Variants in TBC1D22A observed in about 807,000 individuals in gnomAD.
TBC1D22A encodes putative GTPase activator.
TBC1D22A carries 38 observed loss-of-function variants against 60.2 expected under a neutral mutation model. That is an observed-to-expected ratio of 0.63 (90% CI 0.49 to 0.83). TBC1D22A has a LOEUF of 0.83. Ranked by LOEUF, TBC1D22A falls within the 40% of genes least tolerant of loss-of-function variation. The pLI, the probability that TBC1D22A is intolerant of heterozygous loss-of-function variation, is 0.00. For synonymous variants in TBC1D22A, 302 were observed against 281.7 expected, an observed-to-expected ratio of 1.07 and a Z score of -0.72; for missense variants, 628 against 701.0, an observed-to-expected ratio of 0.90 and a Z score of 1.18.
At chr22:47,159,179 ACAC>A (rs2147197483) in intron 12 of TBC1D22A, among the ~76,000 whole-genome samples, 1 of 150,704 alleles carries the variant, frequency 6.6e-6, no homozygotes, top group East Asian at 2.0e-4. Context: ...GATACTACAC[ACAC>A]AACACACACC....
chr22:46,841,049 T>TGG lies in TBC1D22A; in HGVS notation c.638-37603_638-37602insGG, dbSNP rs1325497259. ...TGAATGAATGAGTAATGAAAATGGG[T>TGG]GTGTGTGTGTGTGTGTGTGTGTGTG... On this transcript the variant is annotated intron_variant, in intron 4 of 12. Coordinates refer to ENST00000337137, the MANE Select transcript of TBC1D22A (RefSeq NM_014346.5). 3.8e-3 allele frequency among the ~76,000 whole-genome samples: 540 copies of TGG among 143,514 alleles called. 2 individuals carry two copies. Among genetic ancestry groups the TGG allele is most frequent in the African/African-American group, 0.014 (519 of 38,272 alleles). The allele number at this position is 143,514 out of a possible 152,430, so 94.2% of individuals were successfully genotyped here. A position where few individuals can be genotyped will look rare whatever the true frequency, so the allele number is the denominator to read the frequency against.
intron 1 of TBC1D22A, among the ~76,000 whole-genome samples, chr22:46,778,531 G>C (rs892776672): frequency 6.6e-6 from 1 of 151,930 alleles, no homozygotes; most frequent in African/African-American, 2.4e-5. Context: ...CACAGGGTCG[G>C]GACCGTCAGT....
At chr22:47,168,322 C>T (rs1039431154) in intron 12 of TBC1D22A, among the ~76,000 whole-genome samples, 3 of 147,244 alleles carry the variant, frequency 2.0e-5, no homozygotes, top group Non-Finnish European at 4.5e-5. Flanking sequence ...CACTGCCCAG[C>T]AAAGTGCTGT....
chr22:47,066,314 C>T (rs564692937), intron 11 of TBC1D22A, among the ~76,000 whole-genome samples: 6 of 152,252 alleles, frequency 3.9e-5, no homozygotes, highest in Admixed American at 3.3e-4. Context: ...AAGTGGGTGG[C>T]ACCCACGAGG....
Position 47,171,324 on chromosome 22 carries a change from G to A in TBC1D22A, c.1426-2174G>A, listed in dbSNP as rs557171976. Among the ~76,000 whole-genome samples, 7 of 152,326 alleles carry A rather than the reference G, an allele frequency of 4.6e-5. No homozygotes were observed. In the South Asian group the frequency reaches 1.2e-3, roughly 27 times the overall value. On this transcript the variant is annotated intron_variant, in intron 12 of 12. Transcript: ENST00000337137. Reference sequence around the variant, plus strand: ...TCCCTTGTCACCTGCTAGGAGTGGGGAAGGGCAGTTCCAGCACCCTGAGGG... The same window carrying A: ...TCCCTTGTCACCTGCTAGGAGTGGGAAAGGGCAGTTCCAGCACCCTGAGGG...
At chr22:46,894,660 C>G in intron 6 of TBC1D22A, 124 bp from the exon 7 acceptor site, 1 of 1,151,466 alleles carries the variant, frequency 8.7e-7, no homozygotes, top group Admixed American at 1.8e-5. Context: ...AACGAGAATC[C>G]TCAAGGAGAG....
At chr22:47,136,776 C>T (rs1198722056) in intron 12 of TBC1D22A, among the ~76,000 whole-genome samples, 1 of 152,206 alleles carries the variant, frequency 6.6e-6, no homozygotes, top group Middle Eastern at 3.2e-3. Context: ...CTGCCTGTGC[C>T]CCCAGGACAC....
rs549162442 is a variant in TBC1D22A, at chr22:46,966,414, G to T, written c.1016-7876G>T. ...CACATGGGCACGGCCTCTCTTCCAG[G>T]CACTAACATGTTCTTTGTTTCGTCC... On this transcript the variant is annotated intron_variant, in intron 8 of 12. Coordinates refer to ENST00000337137, the MANE Select transcript of TBC1D22A (RefSeq NM_014346.5). Among the ~76,000 whole-genome samples the T allele has an allele frequency of 3.9e-5, 6 of 152,298 alleles. No individual in the cohort carries two copies. In the South Asian group the frequency reaches 1.0e-3, roughly 26 times the overall value.
intron 1 of TBC1D22A, among the ~76,000 whole-genome samples, chr22:46,764,769 T>A (rs775965266): frequency 3.9e-5 from 6 of 152,112 alleles, no homozygotes; most frequent in Non-Finnish European, 8.8e-5. Context: ...ATTGGAATAG[T>A]ACATTTACAA....
chr22:46,881,229 G>A (rs775773827), intron 5 of TBC1D22A, among the ~76,000 whole-genome samples: 14 of 152,180 alleles, frequency 9.2e-5, no homozygotes, highest in Non-Finnish European at 1.9e-4. Flanking sequence ...TGAAAGAGCC[G>A]TTGGTTGGTT....
chr22:46,926,937 TATTA>T (rs1421675487), intron 8 of TBC1D22A, among the ~76,000 whole-genome samples: 24 of 152,244 alleles, frequency 1.6e-4, no homozygotes, highest in African/African-American at 5.8e-4. Flanking sequence ...TATTAATTAG[TATTA>T]ATTATTGAAA....
intron 11 of TBC1D22A, among the ~76,000 whole-genome samples, chr22:47,074,845 C>T (rs1052283981): frequency 6.6e-6 from 1 of 152,220 alleles, no homozygotes; most frequent in Non-Finnish European, 1.5e-5. Context: ...TTCATCCAGC[C>T]TCATTCATCA....
At chr22:46,776,689 G>T (rs1431029340) in intron 1 of TBC1D22A, among the ~76,000 whole-genome samples, 2 of 152,126 alleles carry the variant, frequency 1.3e-5, no homozygotes, top group African/African-American at 4.8e-5. Context: ...TGGCCGTGGG[G>T]AGGAGAGAGA....
chr22:47,096,576 C>T (rs189593828), intron 11 of TBC1D22A, among the ~76,000 whole-genome samples: 1 of 152,114 alleles, frequency 6.6e-6, no homozygotes, highest in Non-Finnish European at 1.5e-5. Flanking sequence ...AATCCCAGCA[C>T]TTTGGGGGGC....
chr22:46,846,622 A>T (rs560465257), intron 4 of TBC1D22A, among the ~76,000 whole-genome samples: 1 of 152,270 alleles, frequency 6.6e-6, no homozygotes, highest in South Asian at 2.1e-4. Flanking sequence ...AACATGCACA[A>T]AGATCGAGAG....
intron 4 of TBC1D22A, among the ~76,000 whole-genome samples, chr22:46,849,110 G>T (rs1367282036): frequency 6.6e-6 from 1 of 152,188 alleles, no homozygotes; most frequent in South Asian, 2.1e-4. Flanking sequence ...TTTGTGTGAC[G>T]CTCTAGGCAG....
At chr22:46,973,017 C>G (rs2074135661) in intron 8 of TBC1D22A, among the ~76,000 whole-genome samples, 1 of 152,226 alleles carries the variant, frequency 6.6e-6, no homozygotes, top group Non-Finnish European at 1.5e-5. Flanking sequence ...CGGAGGCGCT[C>G]TTGCCCTTTT....
chr22:46,980,577 GAGTT>G (rs2074475911), intron 9 of TBC1D22A, among the ~76,000 whole-genome samples: 2 of 152,244 alleles, frequency 1.3e-5, no homozygotes, highest in Admixed American at 1.3e-4. Context: ...AGAGAAGAGA[GAGTT>G]AGTTAGAATT....
chr22:47,055,089 G>A (rs977189713), intron 11 of TBC1D22A, among the ~76,000 whole-genome samples: 1 of 152,222 alleles, frequency 6.6e-6, no homozygotes, highest in Non-Finnish European at 1.5e-5. Context: ...GCACTGGCAG[G>A]AGCAGGTTGT....
Sources: gnomAD v4.1 joint callset for allele counts (sites outside exome capture counted in the v4.1 genomes callset) on GRCh38, gnomAD v4.1.1 for gene constraint, MANE v1.5 for transcripts, NCBI Gene and HGNC (gene_info 2026-07-23, HGNC 2026-07-21) for gene names.